The following SCD5 variants were observed in gnomAD, a reference collection of about 807,000 sequenced individuals.
SCD5 encodes the protein stearoyl-CoA desaturase 5.
In SCD5, 20 loss-of-function variants were observed where a neutral mutation model predicts 30.4. That is an observed-to-expected ratio of 0.66 (90% CI 0.46 to 0.96). The LOEUF (loss-of-function observed/expected upper bound fraction) is 0.96. Among genes scored for constraint, SCD5 ranks in the 40% least tolerant of loss-of-function variants. The probability of loss-of-function intolerance (pLI) is 0.00; values close to 1 mark genes in which losing one functional copy is unlikely to be tolerated. For missense variants in SCD5, 381 were observed against 443.3 expected, an observed-to-expected ratio of 0.86 and a Z score of 1.26; for synonymous variants, 173 against 176.4, an observed-to-expected ratio of 0.98 and a Z score of 0.16.
intron 2 of SCD5, among the ~76,000 whole-genome samples, chr4:82,681,258 A>G (rs1728567077): frequency 6.6e-6 from 1 of 152,038 alleles, no homozygotes; most frequent in Admixed American, 6.5e-5. Flanking sequence ...GAAAAAAGAG[A>G]TCTTTTTTGT....
intron 3 of SCD5, among the ~76,000 whole-genome samples, chr4:82,669,623 T>C (rs1728264722): frequency 6.6e-6 from 1 of 152,200 alleles, no homozygotes; most frequent in African/African-American, 2.4e-5. Context: ...CCAAGGGGGA[T>C]CTAGTCATAG....
intron 1 of SCD5, among the ~76,000 whole-genome samples, chr4:82,761,489 T>G (rs1464657754): frequency 6.6e-6 from 1 of 152,180 alleles, no homozygotes; most frequent in Non-Finnish European, 1.5e-5. Context: ...GATTGCTCTA[T>G]AGACTCACCC....
Position 82,705,310 on chromosome 4 carries a change from C to A in SCD5, c.336G>T (p.Leu112=). The change falls in exon 2 of 5, where the codon CTG becomes CTT. Residue 112 remains leucine, a synonymous_variant. Coordinates refer to ENST00000319540, the MANE Select transcript of SCD5 (RefSeq NM_001037582.3). ...GGAAAGCCATGGAGTTGGCGACAGC[C>A]AGAAATATCCTCAGAGGCAGCTTGG... is the stretch of plus-strand genomic sequence containing the variant. ...YRAKLPLRIF[L]AVANSMAFQN... 1 of 1,614,236 alleles carries A rather than the reference C, an allele frequency of 6.2e-7. No homozygotes were observed.
chr4:82,721,272 A>G (rs780458595), intron 1 of SCD5, among the ~76,000 whole-genome samples: 2 of 152,218 alleles, frequency 1.3e-5, no homozygotes, highest in African/African-American at 2.4e-5. Flanking sequence ...CTGCACTGCA[A>G]TTCAGCTTCT....
At chr4:82,747,074 C>T in intron 1 of SCD5, among the ~76,000 whole-genome samples, 2 of 149,178 alleles carry the variant, frequency 1.3e-5, no homozygotes, top group Admixed American at 1.3e-4. Context: ...AACCTGCCCC[C>T]CAAGAAAGAC....
chr4:82,644,202 C>T lies in SCD5; in HGVS notation c.570-7379G>A, dbSNP rs553746469. ...TGCCCCTCCCCTAATGACTGCACAT[C>T]GGTGACTGACCAGAGAAGCCCGTTG... On this transcript the variant is annotated intron_variant, in intron 3 of 4. Coordinates refer to ENST00000319540, the MANE Select transcript of SCD5 (RefSeq NM_001037582.3). 4.7e-4 allele frequency among the ~76,000 whole-genome samples: 72 copies of T among 152,308 alleles called. 1 individual carries two copies. Among genetic ancestry groups the T allele is most frequent in the African/African-American group, 1.7e-3 (69 of 41,576 alleles).
intron 3 of SCD5, among the ~76,000 whole-genome samples, chr4:82,654,716 C>A (rs961200163): frequency 6.6e-6 from 1 of 152,124 alleles, no homozygotes; most frequent in Non-Finnish European, 1.5e-5. Flanking sequence ...TGGCACTCTG[C>A]AACTTGTCTG....
At chr4:82,745,234 C>G (rs1467042513) in intron 1 of SCD5, among the ~76,000 whole-genome samples, 2 of 152,178 alleles carry the variant, frequency 1.3e-5, no homozygotes, top group Non-Finnish European at 2.9e-5. Context: ...TCTCAAGAAC[C>G]CATTTCTTGG....
intron 1 of SCD5, among the ~76,000 whole-genome samples, chr4:82,780,455 A>G (rs1336087586): frequency 6.6e-6 from 1 of 152,194 alleles, no homozygotes; most frequent in Non-Finnish European, 1.5e-5. Flanking sequence ...CCATGTCCAC[A>G]AATGTGTGGA....
intron 1 of SCD5, among the ~76,000 whole-genome samples, chr4:82,716,655 A>T (rs1304113148): frequency 6.6e-6 from 1 of 151,554 alleles, no homozygotes; most frequent in Admixed American, 6.5e-5. Flanking sequence ...CTCTACTAAA[A>T]TTATGAAAAT....
intron 1 of SCD5, among the ~76,000 whole-genome samples, chr4:82,721,840 T>C (rs1720375957): frequency 6.6e-6 from 1 of 152,342 alleles, no homozygotes; most frequent in South Asian, 2.1e-4. Context: ...GCTAAAATCA[T>C]TAGATGAAAG....
At chr4:82,703,623 T>C (rs1719905300) in intron 2 of SCD5, among the ~76,000 whole-genome samples, 1 of 152,242 alleles carries the variant, frequency 6.6e-6, no homozygotes, top group Non-Finnish European at 1.5e-5. Context: ...TATTCTGTTA[T>C]GTGGTGTTTT....
intron 1 of SCD5, among the ~76,000 whole-genome samples, chr4:82,767,236 GTC>G (rs140732938): frequency 1.9e-4 from 28 of 149,532 alleles, no homozygotes; most frequent in South Asian, 2.1e-4. Flanking sequence ...TTTTCCCTCT[GTC>G]TCTCTCTCTC....
intron 2 of SCD5, among the ~76,000 whole-genome samples, chr4:82,693,205 T>C (rs1396028626): frequency 6.6e-6 from 1 of 152,214 alleles, no homozygotes; most frequent in Non-Finnish European, 1.5e-5. Flanking sequence ...GTCTGCAGAA[T>C]GAGTGCCTCC....
chr4:82,703,449 C>G (rs367605250), intron 2 of SCD5, among the ~76,000 whole-genome samples: 21 of 152,306 alleles, frequency 1.4e-4, no homozygotes, highest in East Asian at 5.8e-4. Flanking sequence ...CCTAGCAACT[C>G]TGTGAGGCAA....
chr4:82,717,737 G>A (rs1197203424), intron 1 of SCD5, among the ~76,000 whole-genome samples: 5 of 151,704 alleles, frequency 3.3e-5, no homozygotes, highest in South Asian at 2.1e-4. Flanking sequence ...CAAACATGGT[G>A]AAACCCCATC....
At chr4:82,660,860 A>G (rs1727985531) in intron 3 of SCD5, 1 of 1,613,932 alleles carries the variant, frequency 6.2e-7, no homozygotes, top group Non-Finnish European at 8.5e-7. Flanking sequence ...GCTGTTGTAT[A>G]TCTCTCTTCT....
Position 82,695,503 on chromosome 4 carries a change from A to G in SCD5, c.363+9780T>C, listed in dbSNP as rs1351815564. 5.9e-5 allele frequency among the ~76,000 whole-genome samples: 9 copies of G among 152,140 alleles called. No homozygotes were observed. The East Asian group carries it at 1.7e-3, about 29-fold the overall frequency. ...TGAGGGATAACTAGGGAAATGGAGA[A>G]ATCATGGATGATACCCAGACTTCTG... is the stretch of plus-strand genomic sequence containing the variant. On this transcript the variant is annotated intron_variant, in intron 2 of 4. Transcript: ENST00000319540.
intron 1 of SCD5, among the ~76,000 whole-genome samples, chr4:82,731,059 T>A (rs988310694): frequency 6.6e-6 from 1 of 152,174 alleles, no homozygotes; most frequent in Admixed American, 6.5e-5. Flanking sequence ...CACCCCATTA[T>A]GATATTTTAG....
Sources: allele counts gnomAD v4.1 joint callset (sites outside exome capture counted in the v4.1 genomes callset), GRCh38; gene constraint gnomAD v4.1.1; transcripts MANE v1.5; gene names NCBI Gene and HGNC (gene_info 2026-07-23, HGNC 2026-07-21).